Variants in DYDC1 observed in about 807,000 individuals in gnomAD.
DYDC1 encodes DPY30 domain containing 1, also known as DPY30 domain-containing protein 1.
A neutral mutation model predicts 27.9 loss-of-function variants in DYDC1; 21 were observed. The ratio of observed to expected loss-of-function variants is 0.75; its 90% CI spans 0.53 to 1.08. DYDC1 has a LOEUF of 1.08. Among genes scored for constraint, DYDC1 ranks in the 50% least tolerant of loss-of-function variants. DYDC1 has a pLI of 0.00. For synonymous variants in DYDC1, 67 were observed against 65.8 expected (o/e 1.02, Z -0.09); for missense variants, 202 against 205.9 (o/e 0.98, Z 0.12).
At chr10:80,343,893 A>G (rs1461703668) in intron 3 of DYDC1, among the ~76,000 whole-genome samples, 2 of 152,136 alleles carry the variant, frequency 1.3e-5, no homozygotes, top group African/African-American at 4.8e-5. Context: ...CAGCACTTGG[A>G]AGGCCTGAGG....
chr10:80,340,544 C>T (rs1842285868), intron 4 of DYDC1, among the ~76,000 whole-genome samples: 2 of 152,148 alleles, frequency 1.3e-5, no homozygotes, highest in Non-Finnish European at 2.9e-5. Context: ...GAGACCAATC[C>T]TTCCTATGGA....
intron 1 of DYDC1, chr10:80,356,482 T>G: frequency 1.0e-6 from 1 of 985,276 alleles, no homozygotes; most frequent in Non-Finnish European, 1.2e-6. Flanking sequence ...CCCGGGAGTC[T>G]GGAAGGGTCT....
At chr10:80,338,194 A>G in intron 6 of DYDC1, 4 of 985,432 alleles carry the variant, frequency 4.1e-6, no homozygotes, top group Non-Finnish European at 4.8e-6. Context: ...AAGATTATAT[A>G]TTTCACAAAA....
intron 3 of DYDC1, 128 bp from the exon 4 acceptor site, chr10:80,342,489 G>A (rs1466047244): frequency 1.4e-6 from 1 of 700,720 alleles, no homozygotes. Flanking sequence ...TTCTACAAAT[G>A]CTTCCTGAAG....
rs1842140462 is a variant in DYDC1 at position 80,336,498 on chromosome 10, A to G, written c.505-313T>C. On this transcript the variant is annotated intron_variant, in intron 6 of 6. Coordinates refer to ENST00000372202, the MANE Select transcript of DYDC1 (RefSeq NM_001269053.2). ...CCTCCCTGAGCCCCCAGGCCTTCAC[A>G]CACTGCACTCTCTCCTAGGTACCTT... 2.5e-5 allele frequency: 6 copies of G among 239,510 alleles called. No homozygotes were observed. In the Admixed American group the frequency reaches 3.9e-4, roughly 16 times the overall value. The allele number at this position is 239,510 out of a possible 1,614,324, so 14.8% of individuals were successfully genotyped here.
rs962996948 is a variant in DYDC1, at chr10:80,356,400, G to A, written c.-10+312C>T. ...CAGCCAGCCAGCCAACTGGGCGGGG[G>A]CACCCGGGCAGGGGTGCCAGATACA... On this transcript the variant is annotated intron_variant, in intron 1 of 6. Transcript: ENST00000372202. 2.6e-5 allele frequency: 26 copies of A among 985,632 alleles called. No homozygotes were observed. In the African/African-American group the frequency reaches 4.5e-4, roughly 17 times the overall value. The allele number at this position is 985,632 out of a possible 1,614,324, so 61.1% of individuals were successfully genotyped here. A position where few individuals can be genotyped will look rare whatever the true frequency, so the allele number is the denominator to read the frequency against.
intron 1 of DYDC1, chr10:80,356,363 G>T (rs1181707295): frequency 3.0e-6 from 3 of 985,720 alleles, no homozygotes; most frequent in Non-Finnish European, 2.4e-6. Context: ...CCACACCTGG[G>T]AGACAGCTAG....
At chr10:80,339,056 C>G (rs771202168) in intron 5 of DYDC1, 41 bp downstream of exon 5, 2 of 1,125,736 alleles carry the variant, frequency 1.8e-6, no homozygotes, top group East Asian at 5.6e-5. Context: ...CTAGGATACT[C>G]AATTCATTTC....
intron 4 of DYDC1, among the ~76,000 whole-genome samples, chr10:80,341,779 C>T (rs1478995763): frequency 2.6e-5 from 4 of 152,154 alleles, no homozygotes; most frequent in African/African-American, 9.7e-5. Flanking sequence ...AATCCCAGCA[C>T]TTTGGGAGGC....
chr10:80,344,880 T>C (rs1842517161), intron 3 of DYDC1: 1 of 169,680 alleles, frequency 5.9e-6, no homozygotes, highest in Non-Finnish European at 1.3e-5. Flanking sequence ...TGCTTGAAAA[T>C]GGACTAATAC....
At chr10:80,352,044 G>T in intron 2 of DYDC1, 42 bp from the exon 3 acceptor site, 1 of 1,591,426 alleles carries the variant, frequency 6.3e-7, no homozygotes. Context: ...TTCTTAGCGA[G>T]AAAGCAATTT....
chr10:80,349,293 T>C (rs955738452), intron 3 of DYDC1, among the ~76,000 whole-genome samples: 5 of 152,242 alleles, frequency 3.3e-5, no homozygotes, highest in Admixed American at 2.6e-4. Context: ...AAATTCTCAA[T>C]AGTAAACCTA....
chr10:80,352,411 C>T lies in DYDC1; in HGVS notation c.147+44G>A, dbSNP rs768058209. 8 of 1,502,952 alleles carry T rather than the reference C, an allele frequency of 5.3e-6. No homozygotes were observed. In the African/African-American group the frequency reaches 1.0e-4, roughly 19 times the overall value. The allele number at this position is 1,502,952 out of a possible 1,614,324, so 93.1% of individuals were successfully genotyped here. A position where few individuals can be genotyped will look rare whatever the true frequency, so the allele number is the denominator to read the frequency against. ...TTTTTTAAAAGCAGACAAGTTGGAC[C>T]AGTTTTTTTTCTTCTAATTTCCTAG... On this transcript the variant is annotated intron_variant, in intron 2 of 6. Coordinates refer to ENST00000372202, the MANE Select transcript of DYDC1 (RefSeq NM_001269053.2).
rs371163964 is a variant in DYDC1 at position 80,338,314 on chromosome 10, G to A, written c.504+153C>T. 410 of 1,362,304 alleles carry A rather than the reference G, an allele frequency of 3.0e-4. 10 individuals are homozygous for A. In the South Asian group the frequency reaches 7.2e-3, roughly 24 times the overall value. 84.4% of individuals were successfully genotyped at this position (1,362,304 alleles called of 1,614,324 possible). A position where few individuals can be genotyped will look rare whatever the true frequency, so the allele number is the denominator to read the frequency against. ...AGAATGCCAATTAGGAATATAATCC[G>A]CAACCAGGGAACTGATTTTCTTTCT... On this transcript the variant is annotated intron_variant, in intron 6 of 6. Transcript: ENST00000372202.
chr10:80,345,977 G>C (rs1389041006), intron 3 of DYDC1, among the ~76,000 whole-genome samples: 1 of 152,098 alleles, frequency 6.6e-6, no homozygotes, highest in Admixed American at 6.5e-5. Context: ...GAGTAGCTGG[G>C]ACCACAGGTG....
intron 3 of DYDC1, among the ~76,000 whole-genome samples, chr10:80,350,217 A>G (rs1364986434): frequency 6.6e-6 from 1 of 152,224 alleles, no homozygotes; most frequent in Non-Finnish European, 1.5e-5. Flanking sequence ...ACAGTGGATT[A>G]GTTCATACCG....
intron 3 of DYDC1, among the ~76,000 whole-genome samples, chr10:80,343,300 C>A (rs928894044): frequency 3.3e-5 from 5 of 152,096 alleles, no homozygotes; most frequent in Non-Finnish European, 2.9e-5. Flanking sequence ...TGTCTACGAG[C>A]GCTTTTGTGC....
intron 3 of DYDC1, among the ~76,000 whole-genome samples, chr10:80,344,494 T>A (rs1842494393): frequency 6.6e-6 from 1 of 152,194 alleles, no homozygotes; most frequent in South Asian, 2.1e-4. Flanking sequence ...GGGTCAATGC[T>A]GAGTTTGAAG....
intron 3 of DYDC1, among the ~76,000 whole-genome samples, chr10:80,344,361 G>C (rs1319253501): frequency 1.3e-5 from 2 of 152,192 alleles, no homozygotes; most frequent in South Asian, 4.1e-4. Context: ...GCTGCTCAGA[G>C]TTGACACTGG....
Sources: allele counts gnomAD v4.1 joint callset (sites outside exome capture counted in the v4.1 genomes callset), GRCh38; gene constraint gnomAD v4.1.1; transcripts MANE v1.5; gene names NCBI Gene and HGNC (gene_info 2026-07-23, HGNC 2026-07-21).